The following KANSL3 variants were observed in gnomAD, a reference collection of about 807,000 sequenced individuals.
KANSL3 encodes NSL complex protein NSL3.
Under a neutral mutation model 89.2 loss-of-function variants are expected in KANSL3, and 16 were observed. The observed-to-expected ratio is 0.18, with a 90% CI of 0.12 to 0.27. The LOEUF is 0.27. Ranked by LOEUF, KANSL3 falls within the 10% of genes least tolerant of loss-of-function variation. KANSL3 has a pLI of 1.00. For missense variants in KANSL3, 879 were observed against 1,110.6 expected (o/e 0.79, Z 2.96); for synonymous variants, 385 against 419.7 (o/e 0.92, Z 1.01).
chr2:96,602,868 A>G lies in KANSL3; in HGVS notation c.2150-6T>C. 6.2e-6 allele frequency: 10 copies of G among 1,613,384 alleles called. No individual in the cohort carries two copies. The highest frequency in any genetic ancestry group is 8.5e-6 in the Non-Finnish European group (10 of 1,179,458). ...GCTGCTGGCTGATGTGGCCCCTAAG[A>G]GAGGACATAGCAGGAATCAGTAGAG... is the stretch of plus-strand genomic sequence containing the variant. On this transcript the variant is annotated splice_polypyrimidine_tract_variant and splice_region_variant and intron_variant, in intron 17 of 20. Transcript: ENST00000431828.
chr2:96,616,665 T>C (rs547166316), intron 5 of KANSL3, among the ~76,000 whole-genome samples: 1 of 152,348 alleles, frequency 6.6e-6, no homozygotes, highest in African/African-American at 2.4e-5. Flanking sequence ...AAGAGTCCGA[T>C]GGCAGAGGAA....
In KANSL3 at chr2:96,631,346, G is replaced by T. The variant is rs774457198; in HGVS notation, c.352C>A (p.Pro118Thr). ...TGCTCCTCCCAGTCCTCTGGTGGAG[G>T]AGGGGCATCTGCATCAGTCCTGGCA... ...IFARTDADAP[P>T]PPEDWEEHVN... is the part of the protein sequence containing the mutation. Residue 118 changes from proline (P) to threonine (T), a missense_variant, in exon 3 of 21, where the codon CCT becomes ACT. By Grantham distance (38) the Pro-to-Thr change is conservative (BLOSUM62 -1). Transcript: ENST00000431828. 16 of 1,613,396 alleles carry T rather than the reference G, an allele frequency of 9.9e-6. No individual in the cohort carries two copies. In the South Asian group the frequency reaches 1.6e-4, roughly 17 times the overall value.
At position 96,636,985 on chromosome 2, in the gene KANSL3, C is replaced by A. The variant is rs1323056287; in HGVS notation, c.151G>T (p.Ala51Ser). The A allele has an allele frequency of 3.2e-6, 5 of 1,551,108 alleles. No individual in the cohort carries two copies. The African/African-American group carries it at 6.8e-5, about 21-fold the overall frequency. Residue 51 changes from alanine (A) to serine (S), a missense_variant, in exon 2 of 21, where the codon GCC becomes TCC. Coordinates refer to ENST00000431828, the MANE Select transcript of KANSL3 (RefSeq NM_001115016.3). ...ATGCGGGTGGGGCGGGCACTACTGG[C>A]ATCTGGGTGGGCACTCCAAGGCTTG... is the stretch of plus-strand genomic sequence containing the variant. ...YAKPWSAHPD[A>S]SSARPTRMLF... is the part of the protein sequence containing the mutation.
rs1477059991 is a variant in KANSL3 at position 96,594,127 on chromosome 2, A to G, written c.*1484T>C. 6.6e-6 allele frequency: 1 copy of G among 152,244 alleles called. No homozygotes were observed. Among genetic ancestry groups the G allele is most frequent in the Non-Finnish European group, 1.5e-5 (1 of 68,122 alleles). The allele number at this position is 152,244 out of a possible 1,614,324, so 9.4% of individuals were successfully genotyped here. A position where few individuals can be genotyped will look rare whatever the true frequency, so the allele number is the denominator to read the frequency against. ...GAGCTCCCTTCTGGCTGCCACTCAG[A>G]CTGGCCAGGAAGGCTCCCAGATTGA... On this transcript the variant is annotated 3_prime_UTR_variant, in exon 21 of 21. Transcript: ENST00000431828.
In KANSL3 at chr2:96,609,001, G is replaced by A; in HGVS notation, c.1447C>T (p.Pro483Ser). 1 of 1,564,906 alleles carries A rather than the reference G, an allele frequency of 6.4e-7. No individual in the cohort carries two copies. The highest frequency in any genetic ancestry group is 8.7e-7 in the Non-Finnish European group (1 of 1,154,410). The change falls in exon 13 of 21, where the codon CCT (proline) becomes TCT (serine). Residue 483 changes from proline to serine, a missense_variant. Physicochemically the swap from Pro to Ser is moderately conservative, Grantham distance 74 (BLOSUM62 -1). Transcript: ENST00000431828. ...TTCTTCTCAGCATCCTGATCCCGAG[G>A]TTCAGAGCCCATGTGACCCTCAGCA... ...TRAEGHMGSE[P>S]RDQDAEKKKK...
intron 20 of KANSL3, 54 bp downstream of exon 20, chr2:96,601,589 C>T: frequency 6.3e-7 from 1 of 1,590,398 alleles, no homozygotes; most frequent in Non-Finnish European, 8.5e-7. Flanking sequence ...GTCAGCTGGT[C>T]TTAAACTTCC....
Position 96,609,079 on chromosome 2 carries a change from A to C in KANSL3, c.1384-15T>G, listed in dbSNP as rs1243602940. The C allele has an allele frequency of 6.4e-7, 1 of 1,552,216 alleles. No homozygotes were observed. Reference sequence around the variant, plus strand: ...ACAATCTCATCCTAGTGTAGAGAGGAGCCAACCAAGGCCTTTTAGTCCTCA... The same window carrying C: ...ACAATCTCATCCTAGTGTAGAGAGGCGCCAACCAAGGCCTTTTAGTCCTCA... On this transcript the variant is annotated splice_polypyrimidine_tract_variant and intron_variant, in intron 12 of 20. Transcript: ENST00000431828.
chr2:96,601,603 T>A (rs942395594), intron 20 of KANSL3, 40 bp downstream of exon 20: 1 of 1,601,282 alleles, frequency 6.2e-7, no homozygotes, highest in African/African-American at 1.3e-5. Context: ...AACTTCCCAA[T>A]AATGAAGCCC....
intron 16 of KANSL3, 131 bp downstream of exon 16, chr2:96,604,648 C>G: frequency 1.2e-6 from 1 of 868,200 alleles, no homozygotes; most frequent in Non-Finnish European, 1.8e-6. Context: ...ACAAAGATCC[C>G]AATCAGAAGT....
At chr2:96,616,812 A>G (rs185078474) in intron 5 of KANSL3, among the ~76,000 whole-genome samples, 1 of 152,262 alleles carries the variant, frequency 6.6e-6, no homozygotes, top group East Asian at 1.9e-4. Context: ...ACACCCAACT[A>G]TGCATGCTAT....
At chr2:96,616,968 A>C (rs542503344) in intron 5 of KANSL3, among the ~76,000 whole-genome samples, 1 of 152,346 alleles carries the variant, frequency 6.6e-6, no homozygotes, top group African/African-American at 2.4e-5. Context: ...GGGTCACCAG[A>C]GAACTGAGAC....
At chr2:96,631,085 G>T (rs2073303046) in intron 3 of KANSL3, among the ~76,000 whole-genome samples, 1 of 152,160 alleles carries the variant, frequency 6.6e-6, no homozygotes. Flanking sequence ...CCTACTGTGT[G>T]CCAGACAACG....
intron 3 of KANSL3, 108 bp from the exon 4 acceptor site, chr2:96,619,870 C>A: frequency 1.1e-6 from 1 of 878,166 alleles, no homozygotes; most frequent in South Asian, 1.7e-5. Flanking sequence ...TGCTAGGGAA[C>A]AGTAAAACGA....
chr2:96,593,406 T>G lies in KANSL3; in HGVS notation c.*2205A>C. 1 of 444,062 alleles carries G rather than the reference T, an allele frequency of 2.3e-6. No homozygotes were observed. The highest frequency in any genetic ancestry group is 4.6e-6 in the Non-Finnish European group (1 of 219,562). The allele number at this position is 444,062 out of a possible 1,614,324, so 27.5% of individuals were successfully genotyped here. A position where few individuals can be genotyped will look rare whatever the true frequency, so the allele number is the denominator to read the frequency against. The stretch of plus-strand genomic sequence containing the variant: ...CTTCCACATTTTCTATCAATAATAT[T>G]GCCTTCTGAGGTTATGGATTCCAGG... On this transcript the variant is annotated 3_prime_UTR_variant, in exon 21 of 21. Transcript: ENST00000431828.
At chr2:96,584,628 A>C in the KANSL3 span, among the ~76,000 whole-genome samples, 3 of 152,390 alleles carry the variant, frequency 2.0e-5, no homozygotes, top group Admixed American at 2.0e-4. Context: ...GAGAACACGC[A>C]GTATTTTTCT....
chr2:96,596,422 G>A (rs1391531009), intron 20 of KANSL3, among the ~76,000 whole-genome samples: 3 of 152,190 alleles, frequency 2.0e-5, no homozygotes, highest in African/African-American at 4.8e-5. Context: ...GCATAGTGCT[G>A]CATGCCTTAT....
chr2:96,604,414 G>C (rs776095693), intron 16 of KANSL3, 34 bp from the exon 17 acceptor site: 4 of 1,601,386 alleles, frequency 2.5e-6, no homozygotes, highest in Non-Finnish European at 8.5e-7. Context: ...GTTATCCAAA[G>C]GTCACAGGAC....
At chr2:96,597,317 G>T (rs2066632574) in intron 20 of KANSL3, among the ~76,000 whole-genome samples, 1 of 152,198 alleles carries the variant, frequency 6.6e-6, no homozygotes, top group South Asian at 2.1e-4. Flanking sequence ...AGCCTGAGGA[G>T]ATTCTGATCC....
intron 3 of KANSL3, among the ~76,000 whole-genome samples, chr2:96,629,702 C>T (rs1382229788): frequency 6.6e-6 from 1 of 152,216 alleles, no homozygotes; most frequent in Non-Finnish European, 1.5e-5. Flanking sequence ...CTGCTCCTCC[C>T]TCAACAGCTG....
Sources: gnomAD v4.1 joint callset for allele counts (sites outside exome capture counted in the v4.1 genomes callset) on GRCh38, gnomAD v4.1.1 for gene constraint, MANE v1.5 for transcripts, NCBI Gene and HGNC (gene_info 2026-07-23, HGNC 2026-07-21) for gene names.